CTNND2: variants seen among roughly 807,000 people sequenced by gnomAD.
CTNND2 encodes catenin delta 2.
A neutral mutation model predicts 144.4 loss-of-function variants in CTNND2; 22 were observed. The observed-to-expected ratio is 0.15, with a 90% CI of 0.11 to 0.22. CTNND2 has a LOEUF of 0.22. Ranked by LOEUF, CTNND2 falls within the 10% of genes least tolerant of loss-of-function variation. The pLI is 1.00. For missense variants in CTNND2, 1,353 were observed against 1,618.8 expected (o/e 0.84, Z 2.82); for synonymous variants, 751 against 695.6 (o/e 1.08, Z -1.25).
intron 12 of CTNND2, among the ~76,000 whole-genome samples, chr5:11,145,959 C>A (rs748114986): frequency 2.6e-5 from 4 of 152,192 alleles, no homozygotes; most frequent in Non-Finnish European, 2.9e-5. Flanking sequence ...TCTCTCTGCG[C>A]CTTCACCGGC....
chr5:11,589,109 A>G, intron 2 of CTNND2: 5 of 847,770 alleles, frequency 5.9e-6, no homozygotes, highest in Non-Finnish European at 7.1e-6. Context: ...TCAGCCAGGC[A>G]CAAAGGTCTC....
chr5:11,364,041 T>G (rs1449103649), intron 8 of CTNND2, among the ~76,000 whole-genome samples: 1 of 152,220 alleles, frequency 6.6e-6, no homozygotes, highest in East Asian at 1.9e-4. Flanking sequence ...ATTATGACAT[T>G]TGACAGATTA....
chr5:11,617,090 C>T (rs953129491), intron 2 of CTNND2, among the ~76,000 whole-genome samples: 5 of 152,156 alleles, frequency 3.3e-5, no homozygotes, highest in Non-Finnish European at 5.9e-5. Flanking sequence ...TATGCATGTG[C>T]CAAGGTTTCC....
chr5:11,646,298 A>G lies in CTNND2; in HGVS notation c.175-81242T>C, dbSNP rs141553868. Among the ~76,000 whole-genome samples, 13 of 152,288 alleles carry G rather than the reference A, an allele frequency of 8.5e-5. No homozygotes were observed. In the East Asian group the frequency reaches 2.5e-3, roughly 29 times the overall value. On this transcript the variant is annotated intron_variant, in intron 2 of 21. Coordinates refer to ENST00000304623, the MANE Select transcript of CTNND2 (RefSeq NM_001332.4). ...CCTCACAAGTTTCTGAATAGCCATT[A>G]CTGGTGGTATTCATTTTATAATGAG...
intron 9 of CTNND2, among the ~76,000 whole-genome samples, chr5:11,256,594 T>C (rs1744275767): frequency 6.6e-6 from 1 of 152,304 alleles, no homozygotes; most frequent in East Asian, 1.9e-4. Context: ...AAAATAAGAA[T>C]GATGACAGAA....
chr5:11,733,395 C>A (rs755560304), intron 1 of CTNND2, among the ~76,000 whole-genome samples: 1 of 151,976 alleles, frequency 6.6e-6, no homozygotes, highest in Non-Finnish European at 1.5e-5. Context: ...TGTTGCTTGG[C>A]GTGTATGGGA....
chr5:11,211,229 C>T (rs993592465), intron 10 of CTNND2, among the ~76,000 whole-genome samples: 1 of 152,084 alleles, frequency 6.6e-6, no homozygotes, highest in African/African-American at 2.4e-5. Context: ...GAGAGGGAGA[C>T]CTGGAAGGCC....
chr5:11,706,996 G>C (rs1189069604), intron 2 of CTNND2, among the ~76,000 whole-genome samples: 1 of 151,380 alleles, frequency 6.6e-6, no homozygotes, highest in African/African-American at 2.4e-5. Context: ...TGAGGCAGGA[G>C]AATGGTGTGA....
chr5:11,900,469 A>G (rs888087847), intron 1 of CTNND2, among the ~76,000 whole-genome samples: 1 of 152,224 alleles, frequency 6.6e-6, no homozygotes, highest in South Asian at 2.1e-4. Context: ...ATTAAACCCA[A>G]CCAGGCAGTT....
At chr5:11,302,124 G>A (rs1198664832) in intron 9 of CTNND2, among the ~76,000 whole-genome samples, 2 of 152,108 alleles carry the variant, frequency 1.3e-5, no homozygotes, top group Non-Finnish European at 2.9e-5. Flanking sequence ...CTTTTTCTTC[G>A]TAATTAATTG....
intron 1 of CTNND2, among the ~76,000 whole-genome samples, chr5:11,901,120 C>T (rs889409862): frequency 5.9e-5 from 9 of 151,950 alleles, no homozygotes; most frequent in African/African-American, 2.2e-4. Context: ...GTGTACTGAC[C>T]CTATGGACAA....
At chr5:11,832,079 C>G (rs1006126515) in intron 1 of CTNND2, among the ~76,000 whole-genome samples, 11 of 151,888 alleles carry the variant, frequency 7.2e-5, no homozygotes, top group African/African-American at 2.7e-4. Flanking sequence ...GTCAAGAGAT[C>G]GAGACCATCC....
At chr5:11,041,293 G>C (rs943263058) in intron 16 of CTNND2, among the ~76,000 whole-genome samples, 4 of 152,142 alleles carry the variant, frequency 2.6e-5, no homozygotes, top group Non-Finnish European at 2.9e-5. Context: ...ACTTTTTTAA[G>C]AACATTCATA....
At chr5:11,160,108 T>C (rs1758624220) in intron 11 of CTNND2, among the ~76,000 whole-genome samples, 1 of 152,184 alleles carries the variant, frequency 6.6e-6, no homozygotes, top group Non-Finnish European at 1.5e-5. Flanking sequence ...CAAAGAGATG[T>C]GAAAGTTATT....
intron 11 of CTNND2, among the ~76,000 whole-genome samples, chr5:11,183,089 T>C (rs1241782673): frequency 6.6e-6 from 1 of 152,216 alleles, no homozygotes; most frequent in African/African-American, 2.4e-5. Context: ...TTCATTAGAT[T>C]CAAATTATAA....
At chr5:11,305,181 A>G (rs373443073) in intron 9 of CTNND2, among the ~76,000 whole-genome samples, 36 of 152,172 alleles carry the variant, frequency 2.4e-4, no homozygotes, top group African/African-American at 8.4e-4. Flanking sequence ...CTTTCATCTT[A>G]AGCACCACCC....
chr5:11,881,511 A>G (rs1450841169), intron 1 of CTNND2, among the ~76,000 whole-genome samples: 1 of 151,954 alleles, frequency 6.6e-6, no homozygotes, highest in African/African-American at 2.4e-5. Context: ...TAGCTCCCAC[A>G]TATGAGTAAG....
chr5:11,714,459 G>A (rs1786225817), intron 2 of CTNND2, among the ~76,000 whole-genome samples: 2 of 152,134 alleles, frequency 1.3e-5, no homozygotes, highest in Admixed American at 1.3e-4. Flanking sequence ...CAGATTAGCA[G>A]AGAAGCAAGC....
intron 2 of CTNND2, among the ~76,000 whole-genome samples, chr5:11,679,725 G>C (rs2126624097): frequency 6.6e-6 from 1 of 152,244 alleles, no homozygotes; most frequent in African/African-American, 2.4e-5. Context: ...CCAACCAACA[G>C]CATAATGGTT....
Sources: gnomAD v4.1 joint callset for allele counts (sites outside exome capture counted in the v4.1 genomes callset) on GRCh38, gnomAD v4.1.1 for gene constraint, MANE v1.5 for transcripts, NCBI Gene and HGNC (gene_info 2026-07-23, HGNC 2026-07-21) for gene names.